PRICKLE2: variants seen among roughly 807,000 people sequenced by gnomAD.
PRICKLE2 encodes prickle-like protein 2.
In PRICKLE2, 21 loss-of-function variants were observed where a neutral mutation model predicts 81.4. The ratio of observed to expected loss-of-function variants is 0.26; its 90% CI spans 0.18 to 0.37. PRICKLE2 has a LOEUF of 0.37. Among genes scored for constraint, PRICKLE2 ranks in the 10% least tolerant of loss-of-function variants. The pLI, the probability that PRICKLE2 is intolerant of heterozygous loss-of-function variation, is 1.00. For synonymous variants in PRICKLE2, 456 were observed against 421.5 expected, an observed-to-expected ratio of 1.08 and a Z score of -1.00; for missense variants, 940 against 1,109.0, an observed-to-expected ratio of 0.85 and a Z score of 2.16.
At chr3:64,153,161 G>T in intron 6 of PRICKLE2, 21 bp downstream of exon 6, 1 of 1,612,716 alleles carries the variant, frequency 6.2e-7, no homozygotes, top group South Asian at 1.1e-5. Context: ...GGACCAAGCT[G>T]ACTGCCAAAT....
At chr3:64,128,565 G>C (rs900520925) in intron 7 of PRICKLE2, among the ~76,000 whole-genome samples, 1 of 152,082 alleles carries the variant, frequency 6.6e-6, no homozygotes, top group African/African-American at 2.4e-5. Context: ...GGCCAACAGA[G>C]TGAAACCCCA....
At chr3:64,165,569 C>G (rs929255253) in intron 2 of PRICKLE2, among the ~76,000 whole-genome samples, 1 of 152,218 alleles carries the variant, frequency 6.6e-6, no homozygotes, top group Non-Finnish European at 1.5e-5. Context: ...GGCTGGAGTA[C>G]AGTGGCGCGG....
chr3:64,142,499 C>T lies in PRICKLE2; in HGVS notation c.1660+4331G>A, dbSNP rs567048285. ...CTAATTTCTGTATTTTTAGTAGAGACGGGGTTTTGCCACGTTGGCAAGGCT... is the reference window on the plus strand; with the variant it reads ...CTAATTTCTGTATTTTTAGTAGAGATGGGGTTTTGCCACGTTGGCAAGGCT... On this transcript the variant is annotated intron_variant, in intron 7 of 7. Coordinates refer to ENST00000638394, the MANE Select transcript of PRICKLE2 (RefSeq NM_198859.4). Among the ~76,000 whole-genome samples, 38 of 152,058 alleles carry T rather than the reference C, an allele frequency of 2.5e-4. No homozygotes were observed. In the South Asian group the frequency reaches 3.7e-3, roughly 15 times the overall value.
At chr3:64,176,439 T>G (rs1156267400) in intron 2 of PRICKLE2, among the ~76,000 whole-genome samples, 3 of 152,178 alleles carry the variant, frequency 2.0e-5, no homozygotes, top group Admixed American at 6.5e-5. Context: ...CCTCCTCTAT[T>G]ACTATTAGTT....
intron 7 of PRICKLE2, among the ~76,000 whole-genome samples, chr3:64,106,814 C>G (rs2076763359): frequency 6.6e-6 from 1 of 152,178 alleles, no homozygotes; most frequent in Admixed American, 6.5e-5. Context: ...GAGGTGGGAG[C>G]TGCAAGCTAA....
chr3:64,197,299 T>C (rs1406897276), intron 2 of PRICKLE2, among the ~76,000 whole-genome samples: 3 of 152,200 alleles, frequency 2.0e-5, no homozygotes, highest in Non-Finnish European at 4.4e-5. Flanking sequence ...CTGGGTCAAA[T>C]GGTATTAACG....
At chr3:64,206,509 C>T (rs949401463) in intron 1 of PRICKLE2, among the ~76,000 whole-genome samples, 9 of 152,194 alleles carry the variant, frequency 5.9e-5, no homozygotes, top group African/African-American at 1.4e-4. Context: ...TGTGAAAAGG[C>T]ACTGGTGAAA....
chr3:64,124,184 T>G (rs1446474560), intron 7 of PRICKLE2, among the ~76,000 whole-genome samples: 1 of 152,226 alleles, frequency 6.6e-6, no homozygotes, highest in Non-Finnish European at 1.5e-5. Context: ...ACAACATTCC[T>G]TTAAGTCAAA....
chr3:64,099,565 G>T lies in PRICKLE2; in HGVS notation c.2021C>A (p.Thr674Asn). 6.2e-7 allele frequency: 1 copy of T among 1,612,500 alleles called. No individual in the cohort carries two copies. The change falls in exon 8 of 8, where the codon ACT (threonine) becomes AAT (asparagine). Residue 674 changes from threonine (T) to asparagine (N), a missense_variant. Thr to Asn is a moderately conservative substitution (Grantham distance 65). Around this residue, in one of 2 missense-constraint regions of PRICKLE2, gnomAD observed 670 missense variants for 717.2 expected, o/e 0.93. Coordinates refer to ENST00000638394, the MANE Select transcript of PRICKLE2 (RefSeq NM_198859.4). The surrounding 1 kb of genome is among the most constrained non-coding windows in gnomAD (Gnocchi z 4.3). Reference protein sequence around the residue: ...PMSERTRRRATSRDDNRRFRP... With the variant: ...PMSERTRRRANSRDDNRRFRP... ...GAAACGGCGGTTGTCGTCGCGTGAA[G>T]TAGCTCTTCTCCGGGTGCGTTCACT...
chr3:64,119,854 C>T (rs1308756848), intron 7 of PRICKLE2, among the ~76,000 whole-genome samples: 1 of 152,186 alleles, frequency 6.6e-6, no homozygotes, highest in Non-Finnish European at 1.5e-5. Flanking sequence ...GGGGCATGTA[C>T]ACCATGGAAT....
chr3:64,112,302 T>A (rs2076860624), intron 7 of PRICKLE2, among the ~76,000 whole-genome samples: 1 of 152,070 alleles, frequency 6.6e-6, no homozygotes, highest in Admixed American at 6.6e-5. Context: ...TGGATAAAAG[T>A]GGTTTATGGA....
intron 2 of PRICKLE2, among the ~76,000 whole-genome samples, chr3:64,263,048 C>G (rs2079640322): frequency 6.6e-6 from 1 of 152,202 alleles, no homozygotes. Flanking sequence ...TACTCCAGGC[C>G]TTCTCATAGC....
intron 7 of PRICKLE2, chr3:64,100,535 C>T (rs1202465659): frequency 6.5e-6 from 1 of 154,276 alleles, no homozygotes; most frequent in Non-Finnish European, 1.4e-5. Flanking sequence ...TATTTACTCT[C>T]TCAGACCATT....
intron 1 of PRICKLE2, among the ~76,000 whole-genome samples, chr3:64,219,833 A>C (rs191854015): frequency 6.6e-6 from 1 of 152,270 alleles, no homozygotes; most frequent in East Asian, 1.9e-4. Context: ...TCCCAGCATT[A>C]CTCTTTACTC....
rs10690677 is a variant in PRICKLE2, at chr3:64,177,125, C to CTTTTTTTTTTT, written c.145-14007_145-13997dup. Among the ~76,000 whole-genome samples, 4 of 70,854 alleles carry CTTTTTTTTTTT rather than the reference C, an allele frequency of 5.6e-5. 1 individual carries two copies. The highest frequency in any genetic ancestry group is 9.3e-5 in the Non-Finnish European group (4 of 42,894). 46.5% of individuals were successfully genotyped at this position (70,854 alleles called of 152,430 possible). On this transcript the variant is annotated intron_variant, in intron 2 of 7. Transcript: ENST00000638394. ...ACATTACAAGATTTGCCATTTTAACCTTTTTTTTTTTTTTTTTTTTTTTTT... is the reference window on the plus strand; with the variant it reads ...ACATTACAAGATTTGCCATTTTAACCTTTTTTTTTTTTTTTTTTTTTTTTTTTTTTTTTTTT...
At position 64,164,400 on chromosome 3, in the gene PRICKLE2, T is replaced by C. The variant is rs2077790458; in HGVS notation, c.145-1271A>G. On this transcript the variant is annotated intron_variant, in intron 2 of 7. Coordinates refer to ENST00000638394, the MANE Select transcript of PRICKLE2 (RefSeq NM_198859.4). ...ACATTCTACAAACTTGGTCTAAACT[T>C]GGTCTAATTCCTTTGCATTTAGGGA... 2.0e-5 allele frequency among the ~76,000 whole-genome samples: 3 copies of C among 152,266 alleles called. No individual in the cohort carries two copies. In the South Asian group the frequency reaches 6.2e-4, roughly 32 times the overall value.
At chr3:64,239,168 A>T (rs1406860965) in intron 2 of PRICKLE2, among the ~76,000 whole-genome samples, 1 of 152,082 alleles carries the variant, frequency 6.6e-6, no homozygotes, top group Non-Finnish European at 1.5e-5. Context: ...CCACAGGGCG[A>T]GGTAGCAGCC....
chr3:64,247,312 A>T (rs981467168), intron 2 of PRICKLE2, among the ~76,000 whole-genome samples: 2 of 152,202 alleles, frequency 1.3e-5, no homozygotes, highest in African/African-American at 4.8e-5. Flanking sequence ...TGCAGAAAAG[A>T]TATCAGTGAG....
At chr3:64,174,613 T>C (rs545736679) in intron 2 of PRICKLE2, 31 of 176,542 alleles carry the variant, frequency 1.8e-4, no homozygotes, top group Non-Finnish European at 3.1e-4. Flanking sequence ...ACAGCCTTTG[T>C]CAATGCAGAG....
Sources: allele counts gnomAD v4.1 joint callset (sites outside exome capture counted in the v4.1 genomes callset), GRCh38; gene constraint gnomAD v4.1.1; regional missense constraint gnomAD v4.1.1; non-coding constraint Gnocchi (gnomAD v3.1); transcripts MANE v1.5; gene names NCBI Gene and HGNC (gene_info 2026-07-23, HGNC 2026-07-21).